IMMP2L: variants seen among roughly 807,000 people sequenced by gnomAD.
The protein encoded by IMMP2L is inner mitochondrial membrane peptidase subunit 2, also known as mitochondrial inner membrane protease subunit 2.
IMMP2L carries 18 observed loss-of-function variants against 19.3 expected under a neutral mutation model. That is an observed-to-expected ratio of 0.93 (90% CI 0.64 to 1.38). The LOEUF (loss-of-function observed/expected upper bound fraction) is 1.38. Ranked by LOEUF, IMMP2L falls within the 40% of genes most tolerant of loss-of-function variation. The pLI is 0.00. For missense variants in IMMP2L, 233 were observed against 218.2 expected, an observed-to-expected ratio of 1.07 and a Z score of -0.43; for synonymous variants, 76 against 73.0, an observed-to-expected ratio of 1.04 and a Z score of -0.21.
At chr7:111,281,156 CAGAAAGAAAG>C (rs1161199813) in intron 3 of IMMP2L, among the ~76,000 whole-genome samples, 1 of 67,814 alleles carries the variant, frequency 1.5e-5, no homozygotes, top group Non-Finnish European at 2.7e-5. Flanking sequence ...GACAGAAAGA[CAGAAAGAAAG>C]AAAGAAAGAA....
chr7:110,734,270 G>A (rs1046129495), intron 5 of IMMP2L, among the ~76,000 whole-genome samples: 5 of 152,140 alleles, frequency 3.3e-5, no homozygotes, highest in African/African-American at 1.2e-4. Context: ...GACAGTAAAG[G>A]CCATCCTGAT....
At chr7:111,027,363 A>G (rs775549034) in intron 3 of IMMP2L, among the ~76,000 whole-genome samples, 6 of 152,154 alleles carry the variant, frequency 3.9e-5, no homozygotes, top group Non-Finnish European at 7.4e-5. Context: ...TTTACAAAAT[A>G]CATCACAATT....
At position 110,967,346 on chromosome 7, in the gene IMMP2L, T is replaced by C. The variant is rs550139589; in HGVS notation, c.240-3781A>G. 3.3e-5 allele frequency among the ~76,000 whole-genome samples: 5 copies of C among 152,186 alleles called. No individual in the cohort carries two copies. The South Asian group carries it at 1.0e-3, about 32-fold the overall frequency. On this transcript the variant is annotated intron_variant, in intron 3 of 5. Coordinates refer to ENST00000405709, the MANE Select transcript of IMMP2L (RefSeq NM_032549.4). Reference sequence around the variant, plus strand: ...TGGCATACTCAAGAGACCCCTCTAGTATTGTGGGGATGGAGAGATTAGCAT... The same window carrying C: ...TGGCATACTCAAGAGACCCCTCTAGCATTGTGGGGATGGAGAGATTAGCAT...
At chr7:110,968,587 T>G (rs1458870801) in intron 3 of IMMP2L, among the ~76,000 whole-genome samples, 2 of 152,056 alleles carry the variant, frequency 1.3e-5, no homozygotes, top group East Asian at 3.9e-4. Context: ...TTAGGTGGAT[T>G]GCTTGAGCCA....
intron 5 of IMMP2L, among the ~76,000 whole-genome samples, chr7:110,749,822 A>G (rs1797612544): frequency 6.6e-6 from 1 of 152,060 alleles, no homozygotes; most frequent in Admixed American, 6.5e-5. Context: ...GGTGCAGCAA[A>G]CCACCCTGGC....
chr7:110,817,538 C>T (rs1802638284), intron 5 of IMMP2L, among the ~76,000 whole-genome samples: 1 of 152,020 alleles, frequency 6.6e-6, no homozygotes, highest in Admixed American at 6.6e-5. Flanking sequence ...CCATACTGCC[C>T]AAGGTAATTT....
chr7:111,032,137 C>A (rs1429264439), intron 3 of IMMP2L, among the ~76,000 whole-genome samples: 1 of 152,058 alleles, frequency 6.6e-6, no homozygotes, highest in African/African-American at 2.4e-5. Context: ...GACAAGGTTT[C>A]GCTATGTTGC....
chr7:110,831,668 A>G (rs940158119), intron 5 of IMMP2L, among the ~76,000 whole-genome samples: 13 of 152,216 alleles, frequency 8.5e-5, no homozygotes, highest in Non-Finnish European at 1.3e-4. Context: ...AAATATTTCA[A>G]TAAAGGGTTG....
At chr7:111,260,819 T>G (rs551541264) in intron 3 of IMMP2L, among the ~76,000 whole-genome samples, 1 of 152,218 alleles carries the variant, frequency 6.6e-6, no homozygotes, top group African/African-American at 2.4e-5. Context: ...AGAGAATTTT[T>G]TATTGTCTTA....
chr7:110,721,033 A>C (rs1157376078), intron 5 of IMMP2L, among the ~76,000 whole-genome samples: 1 of 151,096 alleles, frequency 6.6e-6, no homozygotes, highest in Non-Finnish European at 1.5e-5. Flanking sequence ...ATATAAAAAT[A>C]GTATATGCCT....
intron 3 of IMMP2L, among the ~76,000 whole-genome samples, chr7:111,447,173 C>T (rs1420208039): frequency 6.8e-6 from 1 of 148,052 alleles, no homozygotes; most frequent in Non-Finnish European, 1.5e-5. Flanking sequence ...TCTAGCAAGG[C>T]AGGCCGACGT....
At chr7:110,988,478 G>A (rs981713585) in intron 3 of IMMP2L, among the ~76,000 whole-genome samples, 2 of 152,290 alleles carry the variant, frequency 1.3e-5, no homozygotes, top group South Asian at 4.2e-4. Flanking sequence ...AACTGCAAGA[G>A]AAGCTGTGAA....
chr7:110,962,031 C>A (rs1243282596), intron 4 of IMMP2L, among the ~76,000 whole-genome samples: 1 of 151,986 alleles, frequency 6.6e-6, no homozygotes, highest in East Asian at 1.9e-4. Flanking sequence ...TACTAAAACT[C>A]ATTGAACTGT....
rs557191717 is a variant in IMMP2L, at chr7:111,433,634, C to T, written c.239+53604G>A. On this transcript the variant is annotated intron_variant, in intron 3 of 5. Transcript: ENST00000405709. The stretch of plus-strand genomic sequence containing the variant: ...ATGAGATTTGGGTGGGGACACAGAG[C>T]CAAACCATATCAGACCCCACGATTC... 2.7e-4 allele frequency among the ~76,000 whole-genome samples: 41 copies of T among 151,774 alleles called. 3 individuals are homozygous for T. The highest frequency in any genetic ancestry group is 9.2e-4 in the African/African-American group (38 of 41,174).
intron 3 of IMMP2L, among the ~76,000 whole-genome samples, chr7:111,464,924 G>C (rs1840479049): frequency 6.6e-6 from 1 of 152,106 alleles, no homozygotes; most frequent in Non-Finnish European, 1.5e-5. Context: ...AAGTAGCTGG[G>C]ACTACAGGCG....
intron 3 of IMMP2L, among the ~76,000 whole-genome samples, chr7:111,217,077 ATCTC>A (rs372527019): frequency 2.9e-5 from 4 of 135,898 alleles, no homozygotes; most frequent in African/African-American, 5.7e-5. Context: ...TCATCTTCTG[ATCTC>A]TCTCTCTCTC....
chr7:111,543,495 G>A (rs1848659324), intron 1 of IMMP2L, among the ~76,000 whole-genome samples: 1 of 152,096 alleles, frequency 6.6e-6, no homozygotes, highest in Non-Finnish European at 1.5e-5. Flanking sequence ...GACCACTCTT[G>A]ATTAATCCCC....
At chr7:110,881,077 T>G (rs1809590202) in intron 5 of IMMP2L, among the ~76,000 whole-genome samples, 1 of 152,150 alleles carries the variant, frequency 6.6e-6, no homozygotes, top group African/African-American at 2.4e-5. Context: ...TATATTTTTT[T>G]CATGTCTTAA....
intron 5 of IMMP2L, among the ~76,000 whole-genome samples, chr7:110,838,800 A>C (rs1031079474): frequency 1.3e-5 from 2 of 152,174 alleles, no homozygotes; most frequent in Non-Finnish European, 2.9e-5. Flanking sequence ...TTATTTACTG[A>C]GTCCAGTTAT....
Sources: allele counts gnomAD v4.1 joint callset (sites outside exome capture counted in the v4.1 genomes callset), GRCh38; gene constraint gnomAD v4.1.1; transcripts MANE v1.5; gene names NCBI Gene and HGNC (gene_info 2026-07-23, HGNC 2026-07-21).